Variants in MGA observed in about 807,000 individuals in gnomAD.
The protein encoded by MGA is MAX dimerization protein MGA.
A neutral mutation model predicts 261.1 loss-of-function variants in MGA; 40 were observed. That is an observed-to-expected ratio of 0.15 (90% CI 0.12 to 0.20). The LOEUF is 0.20. Ranked by LOEUF, MGA falls within the 10% of genes least tolerant of loss-of-function variation. The pLI is 1.00. For synonymous variants in MGA, 1,302 were observed against 1,290.6 expected (o/e 1.01, Z -0.19); for missense variants, 3,397 against 3,630.5 (o/e 0.94, Z 1.65).
intron 5 of MGA, among the ~76,000 whole-genome samples, chr15:41,703,696 C>G (rs1334770393): frequency 2.6e-5 from 4 of 152,034 alleles, no homozygotes; most frequent in African/African-American, 9.7e-5. Context: ...GAGTGGAGAT[C>G]CTGCCACTGC....
Position 41,736,326 on chromosome 15 carries a change from C to T in MGA, c.4062C>T (p.Ile1354=). ...AAGATCGGAACAAGATTTTGAGCAT[C>T]TTATCCCAGCACATCAATAGCAACA... The change falls in exon 13 of 24, where the codon ATC becomes ATT. Residue 1354 remains isoleucine, a synonymous_variant. Transcript: ENST00000219905. 2 of 1,614,002 alleles carry T rather than the reference C, an allele frequency of 1.2e-6. No individual in the cohort carries two copies. The highest frequency in any genetic ancestry group is 1.7e-6 in the Non-Finnish European group (2 of 1,179,896).
intron 1 of MGA, among the ~76,000 whole-genome samples, chr15:41,651,658 C>CTCTCCTCT (rs2057052376): frequency 8.3e-6 from 1 of 120,456 alleles, no homozygotes; most frequent in African/African-American, 3.3e-5. Flanking sequence ...CCTCTCCCTT[C>CTCTCCTCT]CCCCTTCTCC....
chr15:41,764,638 A>G (rs140280048), intron 22 of MGA, among the ~76,000 whole-genome samples: 2,041 of 152,018 alleles, frequency 0.013, 50 homozygotes, highest in African/African-American at 0.047. Flanking sequence ...GGCTTAAGCA[A>G]TTCTCCCACC....
In MGA at chr15:41,725,859, AAT is replaced by A. The variant is rs1333612018; in HGVS notation, c.3431-1319_3431-1318del. On this transcript the variant is annotated intron_variant, in intron 9 of 23. Transcript: ENST00000219905. The stretch of plus-strand genomic sequence containing the variant: ...CAAAAAAAAAAAAAAAAAAAAAATA[AAT>A]AAATAAATAAATAAATAAGTAAACC... Among the ~76,000 whole-genome samples the A allele has an allele frequency of 1.1e-3, 15 of 13,708 alleles. 5 individuals are homozygous for A. Among genetic ancestry groups the A allele is most frequent in the African/African-American group, 1.6e-3 (11 of 7,058 alleles). The allele number at this position is 13,708 out of a possible 152,430, so 9.0% of individuals were successfully genotyped here.
At chr15:41,656,341 CTCT>C (rs1308142521), upstream of MGA, among the ~76,000 whole-genome samples, 24 of 69,338 alleles carry the variant, frequency 3.5e-4, 1 homozygote, top group African/African-American at 4.1e-4. Context: ...TCCCTCTCCT[CTCT>C]TCTCTCTCTC....
intron 2 of MGA, among the ~76,000 whole-genome samples, chr15:41,695,419 C>T (rs559468062): frequency 6.6e-6 from 1 of 152,234 alleles, no homozygotes; most frequent in East Asian, 1.9e-4. Flanking sequence ...AATCTCTTGA[C>T]CTTGTGATCC....
intron 2 of MGA, among the ~76,000 whole-genome samples, chr15:41,676,553 GGTT>G: frequency 6.6e-6 from 1 of 151,616 alleles, no homozygotes; most frequent in East Asian, 1.9e-4. Flanking sequence ...CTAGAATCCT[GGTT>G]TTTTTTCTCA....
chr15:41,749,139 T>C lies in MGA; in HGVS notation c.5532T>C (p.Ala1844=), dbSNP rs1286111221. The change falls in exon 17 of 24, where the codon GCT becomes GCC. Residue 1844 remains alanine, a synonymous_variant. Coordinates refer to ENST00000219905, the MANE Select transcript of MGA (RefSeq NM_001164273.2). ...CTGTGATGGGAATCCGGTTACCTGC[T>C]CCTTCCAAACCCTCTGAGACTCCGC... 6.2e-7 allele frequency: 1 copy of C among 1,613,598 alleles called. No homozygotes were observed.
chr15:41,628,684 G>A (rs530179258), intron 1 of MGA, among the ~76,000 whole-genome samples: 1 of 152,266 alleles, frequency 6.6e-6, no homozygotes, highest in East Asian at 1.9e-4. Flanking sequence ...CATGCTAGTA[G>A]GAAATGAGAT....
intron 9 of MGA, among the ~76,000 whole-genome samples, chr15:41,716,845 T>C (rs1263305863): frequency 6.6e-6 from 1 of 152,188 alleles, no homozygotes; most frequent in Non-Finnish European, 1.5e-5. Context: ...TATAAAAAAT[T>C]AGTCTTCTCA....
In MGA at chr15:41,628,367, CA is replaced by C. The variant is rs936932982; in HGVS notation, c.-68+7090del. On this transcript the variant is annotated intron_variant, in intron 1 of 8. Transcript: ENST00000566718. ...GGGTGACAGAGCAAGACTCTGTATC[CA>C]AAAAAAAAAAAAAAAAAAAAGCTAT... is the stretch of plus-strand genomic sequence containing the variant. Among the ~76,000 whole-genome samples the C allele has an allele frequency of 7.8e-3, 369 of 47,108 alleles. 1 individual carries two copies. Among genetic ancestry groups the C allele is most frequent in the African/African-American group, 0.013 (176 of 13,334 alleles). 30.9% of individuals were successfully genotyped at this position (47,108 alleles called of 152,430 possible). A position where few individuals can be genotyped will look rare whatever the true frequency, so the allele number is the denominator to read the frequency against.
intron 2 of MGA, among the ~76,000 whole-genome samples, chr15:41,687,808 ATAT>A (rs1160571623): frequency 6.6e-6 from 1 of 152,100 alleles, no homozygotes; most frequent in Non-Finnish European, 1.5e-5. Flanking sequence ...GTTGGATATA[ATAT>A]TCTATAAAGG....
chr15:41,743,892 G>C (rs180834960), intron 15 of MGA, among the ~76,000 whole-genome samples: 8 of 152,228 alleles, frequency 5.3e-5, no homozygotes, highest in African/African-American at 1.9e-4. Flanking sequence ...ATTTGAAATA[G>C]GAATATCCTA....
At chr15:41,621,845 C>T (rs991666862) in intron 1 of MGA, among the ~76,000 whole-genome samples, 1 of 152,154 alleles carries the variant, frequency 6.6e-6, no homozygotes, top group African/African-American at 2.4e-5. Context: ...ACGGCCTGAG[C>T]GGTCTTTCGA....
chr15:41,683,011 C>G (rs969113399), intron 2 of MGA, among the ~76,000 whole-genome samples: 4 of 152,172 alleles, frequency 2.6e-5, no homozygotes, highest in Non-Finnish European at 4.4e-5. Context: ...TTCTGCTTCT[C>G]AAACTTTATA....
intron 2 of MGA, among the ~76,000 whole-genome samples, chr15:41,673,978 G>A (rs969872737): frequency 6.6e-6 from 1 of 151,972 alleles, no homozygotes; most frequent in African/African-American, 2.4e-5. Flanking sequence ...GGAAACCTCC[G>A]CCTCTTGGGT....
chr15:41,701,360 AGTGCTT>A (rs2059844287), intron 5 of MGA, among the ~76,000 whole-genome samples: 1 of 152,158 alleles, frequency 6.6e-6, no homozygotes, highest in Non-Finnish European at 1.5e-5. Context: ...AAATATATTC[AGTGCTT>A]GCAGCTGGTC....
chr15:41,644,781 T>C (rs2056902451), intron 1 of MGA, among the ~76,000 whole-genome samples: 1 of 152,194 alleles, frequency 6.6e-6, no homozygotes, highest in Admixed American at 6.5e-5. Flanking sequence ...ATTTTATAAA[T>C]GTGGAAAGAA....
intron 2 of MGA, among the ~76,000 whole-genome samples, chr15:41,672,866 GCACACACACACACACA>G (rs5812197): frequency 1.3e-5 from 2 of 150,306 alleles, no homozygotes; most frequent in Non-Finnish European, 3.0e-5. Flanking sequence ...ACATGCGTGT[GCACACACACACACACA>G]CACACACACT....
Sources: allele counts gnomAD v4.1 joint callset (sites outside exome capture counted in the v4.1 genomes callset), GRCh38; gene constraint gnomAD v4.1.1; transcripts MANE v1.5; gene names NCBI Gene and HGNC (gene_info 2026-07-23, HGNC 2026-07-21).